The following TRIM25 variants were observed in gnomAD, a reference collection of about 807,000 sequenced individuals.
The protein encoded by TRIM25 is E3 ubiquitin/ISG15 ligase TRIM25.
A neutral mutation model predicts 65.2 loss-of-function variants in TRIM25; 45 were observed. That is an observed-to-expected ratio of 0.69 (90% CI 0.54 to 0.89). The LOEUF is 0.89. TRIM25 is among the 40% of genes least tolerant of loss of function. The probability of loss-of-function intolerance (pLI) is 0.00; values close to 1 mark genes in which losing one functional copy is unlikely to be tolerated. For missense variants in TRIM25, 714 were observed against 803.7 expected (o/e 0.89, Z 1.35); for synonymous variants, 321 against 340.4 (o/e 0.94, Z 0.63).
At chr17:56,894,405 C>T (rs988644675) in intron 8 of TRIM25, among the ~76,000 whole-genome samples, 31 of 152,266 alleles carry the variant, frequency 2.0e-4, no homozygotes, top group Admixed American at 5.2e-4. Context: ...TGTGCCACCA[C>T]GCCCGGCTAA....
intron 3 of TRIM25, among the ~76,000 whole-genome samples, chr17:56,903,549 G>A (rs1248627036): frequency 6.6e-6 from 1 of 152,162 alleles, no homozygotes; most frequent in African/African-American, 2.4e-5. Flanking sequence ...GTTCTAAGAT[G>A]GCCCTCAAGC....
intron 2 of TRIM25, among the ~76,000 whole-genome samples, chr17:56,904,960 A>T (rs944129323): frequency 3.3e-5 from 5 of 152,266 alleles, no homozygotes; most frequent in South Asian, 2.1e-4. Flanking sequence ...AATAAAGCTT[A>T]GAAACAAACA....
At chr17:56,897,757 C>G (rs1242903828) in intron 5 of TRIM25, among the ~76,000 whole-genome samples, 1 of 152,230 alleles carries the variant, frequency 6.6e-6, no homozygotes, top group African/African-American at 2.4e-5. Flanking sequence ...CTACCTCATT[C>G]ATACTAAGGG....
At chr17:56,912,619 T>A (rs889919024) in intron 1 of TRIM25, 1 of 152,246 alleles carries the variant, frequency 6.6e-6, no homozygotes, top group South Asian at 2.1e-4. Flanking sequence ...GGCTGGTCCA[T>A]GGGAAGAAAT....
chr17:56,908,338 T>C (rs1638870235), intron 2 of TRIM25, 130 bp downstream of exon 2: 3 of 888,124 alleles, frequency 3.4e-6, no homozygotes, highest in Non-Finnish European at 3.6e-6. Flanking sequence ...CTTTGCAAGG[T>C]TGATGTTTCA....
At chr17:56,904,688 GGAATATGT>G (rs1342269640) in intron 2 of TRIM25, among the ~76,000 whole-genome samples, 200 bp from the exon 3 acceptor site, 1 of 152,116 alleles carries the variant, frequency 6.6e-6, no homozygotes, top group Non-Finnish European at 1.5e-5. Context: ...TCCAGTCCTA[GGAATATGT>G]GCTACAAAAA....
At chr17:56,896,048 C>A in intron 5 of TRIM25, 96 bp from the exon 6 acceptor site, 1 of 1,290,184 alleles carries the variant, frequency 7.8e-7, no homozygotes, top group South Asian at 1.4e-5. Flanking sequence ...TTGACCCAGA[C>A]AAATAAAAGG....
chr17:56,913,197 C>A lies in TRIM25; in HGVS notation c.597+195G>T, dbSNP rs1909662866. Reference sequence around the variant, plus strand: ...GACAGGATTATGGCAAGCAACCTAACCTGTCTTCATGGATGATGGGAAGGG... The same window carrying A: ...GACAGGATTATGGCAAGCAACCTAAACTGTCTTCATGGATGATGGGAAGGG... On this transcript the variant is annotated intron_variant, in intron 1 of 8. Coordinates refer to ENST00000316881, the MANE Select transcript of TRIM25 (RefSeq NM_005082.5). The surrounding 1 kb of genome is among the most constrained non-coding windows in gnomAD (Gnocchi z 6.1). 2.2e-6 allele frequency: 1 copy of A among 450,232 alleles called. No homozygotes were observed. The highest frequency in any genetic ancestry group is 3.8e-6 in the Non-Finnish European group (1 of 260,076). The allele number at this position is 450,232 out of a possible 1,614,324, so 27.9% of individuals were successfully genotyped here.
Position 56,891,554 on chromosome 17 carries a change from A to ACCCCCCCCCCC in TRIM25, c.*145_*146insGGGGGGGGGGG. The stretch of plus-strand genomic sequence containing the variant: ...CTCACCCCTTTCCTGGCTAAATCCC[A>ACCCCCCCCCCC]CCTCCCACCCTCCCGCCAGCTCCCC... On this transcript the variant is annotated 3_prime_UTR_variant, in exon 9 of 9. Transcript: ENST00000316881. 1 of 272,548 alleles carries ACCCCCCCCCCC rather than the reference A, an allele frequency of 3.7e-6. No individual in the cohort carries two copies. Among genetic ancestry groups the ACCCCCCCCCCC allele is most frequent in the Non-Finnish European group, 7.2e-6 (1 of 139,798 alleles). 16.9% of individuals were successfully genotyped at this position (272,548 alleles called of 1,614,324 possible). A position where few individuals can be genotyped will look rare whatever the true frequency, so the allele number is the denominator to read the frequency against.
In TRIM25 at chr17:56,889,721, C is replaced by G. The variant is rs1909128697; in HGVS notation, c.*1979G>C. On this transcript the variant is annotated 3_prime_UTR_variant, in exon 9 of 9. Coordinates refer to ENST00000316881, the MANE Select transcript of TRIM25 (RefSeq NM_005082.5). ...GCCAGAGCAGGAGCCATGGATTTAT[C>G]TCTGGCATTCTACTCCTCCAAGCCC... 2 of 398,614 alleles carry G rather than the reference C, an allele frequency of 5.0e-6. No homozygotes were observed. Among genetic ancestry groups the G allele is most frequent in the East Asian group, 7.1e-5 (2 of 28,076 alleles). 24.7% of individuals were successfully genotyped at this position (398,614 alleles called of 1,614,324 possible). A position where few individuals can be genotyped will look rare whatever the true frequency, so the allele number is the denominator to read the frequency against.
Position 56,900,150 on chromosome 17 carries a change from G to T in TRIM25, c.1088-970C>A, listed in dbSNP as rs533951580. On this transcript the variant is annotated intron_variant, in intron 4 of 8. Coordinates refer to ENST00000316881, the MANE Select transcript of TRIM25 (RefSeq NM_005082.5). ...AAATGCTTGAACCTGGGTGGCAGAG[G>T]TTGCAGTGAGCAGAGATTGGGCCAT... is the stretch of plus-strand genomic sequence containing the variant. Among the ~76,000 whole-genome samples, 11 of 152,200 alleles carry T rather than the reference G, an allele frequency of 7.2e-5. No homozygotes were observed. In the East Asian group the frequency reaches 2.1e-3, roughly 29 times the overall value.
In TRIM25 at chr17:56,895,433, T is replaced by G; in HGVS notation, c.1273A>C (p.Lys425Gln). ...GAGTTCGGATGTGAGCTGGTGGCTT[T>G]GGCTGCAGCTGGGAGAGGAAACAGA... The part of the protein sequence containing the change: ...LKQAGLEAAA[K>Q]ATSSHPNSTS... The change falls in exon 8 of 9, where the codon AAA becomes CAA. Residue 425 changes from lysine (K) to glutamine (Q), a missense_variant. Coordinates refer to ENST00000316881, the MANE Select transcript of TRIM25 (RefSeq NM_005082.5). The G allele has an allele frequency of 6.2e-7, 1 of 1,614,168 alleles. No individual in the cohort carries two copies. Among genetic ancestry groups the G allele is most frequent in the African/African-American group, 1.3e-5 (1 of 75,032 alleles).
At chr17:56,912,217 A>G (rs1909644101) in intron 1 of TRIM25, 1 of 152,256 alleles carries the variant, frequency 6.6e-6, no homozygotes, top group East Asian at 1.9e-4. Flanking sequence ...GGCTGATGTA[A>G]CAAAAGGTGG....
Position 56,908,494 on chromosome 17 carries a change from C to A in TRIM25, c.667G>T (p.Val223Leu), listed in dbSNP as rs757674606. 4 of 1,614,070 alleles carry A rather than the reference C, an allele frequency of 2.5e-6. No individual in the cohort carries two copies. In the East Asian group the frequency reaches 8.9e-5, roughly 36 times the overall value. The change falls in exon 2 of 9, where the codon GTG becomes TTG. Residue 223 changes from valine to leucine, a missense_variant. Val to Leu is a conservative substitution (Grantham distance 32). Coordinates refer to ENST00000316881, the MANE Select transcript of TRIM25 (RefSeq NM_005082.5). ...INGASRALDD[V>L]RNRQQDVRMT... ...CGCACATCCTGCTGCCTGTTTCTCA[C>A]ATCATCCAGTGCTCTCGACGCCCCG...
rs1031817089 is a variant in TRIM25 at position 56,891,484 on chromosome 17, G to C, written c.*216C>G. ...GGGAGTAGGTCACCCTGCCCTGATA[G>C]GCACCAGGGGGTGGAAACGCCTCCT... is the stretch of plus-strand genomic sequence containing the variant. On this transcript the variant is annotated 3_prime_UTR_variant, in exon 9 of 9. Coordinates refer to ENST00000316881, the MANE Select transcript of TRIM25 (RefSeq NM_005082.5). 1 of 610,002 alleles carries C rather than the reference G, an allele frequency of 1.6e-6. No homozygotes were observed. The highest frequency in any genetic ancestry group is 2.8e-6 in the Non-Finnish European group (1 of 355,158). The allele number at this position is 610,002 out of a possible 1,614,324, so 37.8% of individuals were successfully genotyped here.
chr17:56,900,163 G>A (rs990893742), intron 4 of TRIM25, among the ~76,000 whole-genome samples: 2 of 151,968 alleles, frequency 1.3e-5, no homozygotes, highest in Admixed American at 1.3e-4. Flanking sequence ...GCAGTGAGCA[G>A]AGATTGGGCC....
chr17:56,905,240 T>C (rs1194669460), intron 2 of TRIM25, among the ~76,000 whole-genome samples: 1 of 152,214 alleles, frequency 6.6e-6, no homozygotes, highest in African/African-American at 2.4e-5. Context: ...AGCGCGCACC[T>C]GTAGTCCCAG....
Position 56,899,136 on chromosome 17 carries a change from G to T in TRIM25, c.1132C>A (p.Arg378Ser), listed in dbSNP as rs150231506. Reference protein sequence around the residue: ...HDPASTHKSTRPVKKVSKEEK... With the variant: ...HDPASTHKSTSPVKKVSKEEK... The stretch of plus-strand genomic sequence containing the variant: ...TTACTGGAGACCTTCTTCACAGGGC[G>T]TGTGGATTTGTGTGTGGACGCTGGG... Residue 378 changes from arginine to serine, a missense_variant, in exon 5 of 9, where the codon CGC becomes AGC. By Grantham distance (110) the Arg-to-Ser change is moderately radical. Around this residue, in one of 3 missense-constraint regions of TRIM25, gnomAD observed 413 missense variants for 498.2 expected, o/e 0.83. Coordinates refer to ENST00000316881, the MANE Select transcript of TRIM25 (RefSeq NM_005082.5). 2.5e-6 allele frequency: 4 copies of T among 1,614,160 alleles called. No homozygotes were observed. The African/African-American group carries it at 4.0e-5, about 16-fold the overall frequency.
intron 4 of TRIM25, among the ~76,000 whole-genome samples, chr17:56,900,026 C>T (rs1158817397): frequency 6.6e-6 from 1 of 152,104 alleles, no homozygotes; most frequent in Non-Finnish European, 1.5e-5. Context: ...CTAGCCTGAC[C>T]AAAGTAGTGA....
Sources: gnomAD v4.1 joint callset for allele counts (sites outside exome capture counted in the v4.1 genomes callset) on GRCh38, gnomAD v4.1.1 for gene constraint, gnomAD v4.1.1 regional missense constraint, Gnocchi (gnomAD v3.1) non-coding constraint, MANE v1.5 for transcripts, NCBI Gene and HGNC (gene_info 2026-07-23, HGNC 2026-07-21) for gene names.